DAGLB: variants seen among roughly 807,000 people sequenced by gnomAD.
DAGLB encodes the protein diacylglycerol lipase beta.
DAGLB carries 66 observed loss-of-function variants against 72.1 expected under a neutral mutation model. The observed-to-expected ratio is 0.92, with a 90% CI of 0.75 to 1.12. The LOEUF is 1.12. DAGLB is among the 50% of genes most tolerant of loss of function. The pLI is 0.00. For missense variants in DAGLB, 1,065 were observed against 884.9 expected (o/e 1.20, Z -2.58); for synonymous variants, 414 against 359.5 (o/e 1.15, Z -1.71).
Position 6,424,727 on chromosome 7 carries a change from C to A in DAGLB, c.1140+25G>T, listed in dbSNP as rs912389478. 3.1e-6 allele frequency: 5 copies of A among 1,612,296 alleles called. No homozygotes were observed. In the Admixed American group the frequency reaches 8.3e-5, roughly 27 times the overall value. On this transcript the variant is annotated intron_variant, in intron 8 of 14. Transcript: ENST00000297056. ...CCCGCTCCCGCACCCACTCCCAGGG[C>A]TGGAAAGTCAGGTTCCAACGTTACC... is the stretch of plus-strand genomic sequence containing the variant.
rs367819983 is a variant in DAGLB, at chr7:6,444,830, C to T, written c.247+1123G>A. Among the ~76,000 whole-genome samples, 20 of 152,190 alleles carry T rather than the reference C, an allele frequency of 1.3e-4. No individual in the cohort carries two copies. In the South Asian group the frequency reaches 1.5e-3, roughly 11 times the overall value. Reference sequence around the variant, plus strand: ...CTGAGGCAGGAGAATCACTTGAACCCGGGAGGCAGAGGTTACAGTGAGCCG... The same window carrying T: ...CTGAGGCAGGAGAATCACTTGAACCTGGGAGGCAGAGGTTACAGTGAGCCG... On this transcript the variant is annotated intron_variant, in intron 2 of 14. Coordinates refer to ENST00000297056, the MANE Select transcript of DAGLB (RefSeq NM_139179.4).
At chr7:6,425,870 T>A in intron 7 of DAGLB, 118 bp downstream of exon 7, 1 of 1,512,696 alleles carries the variant, frequency 6.6e-7, no homozygotes, top group Non-Finnish European at 8.9e-7. Context: ...ACACAGGACT[T>A]AGAAGTGTGT....
chr7:6,424,745 A>T lies in DAGLB; in HGVS notation c.1140+7T>A. The T allele has an allele frequency of 6.2e-7, 1 of 1,613,202 alleles. No individual in the cohort carries two copies. The highest frequency in any genetic ancestry group is 8.5e-7 in the Non-Finnish European group (1 of 1,179,584). On this transcript the variant is annotated splice_region_variant and intron_variant, in intron 8 of 14. Coordinates refer to ENST00000297056, the MANE Select transcript of DAGLB (RefSeq NM_139179.4). ...CCCAGGGCTGGAAAGTCAGGTTCCA[A>T]CGTTACCTGCAGAGACATGGTCCCC...
rs553422833 is a variant in DAGLB, at chr7:6,440,999, G to C, written c.248-4466C>G. Reference sequence around the variant, plus strand: ...GGGGGGGACGGAGTTTCCCTCTTGTGAAAGTGCTGGGGTTACAGGCATGAG... The same window carrying C: ...GGGGGGGACGGAGTTTCCCTCTTGTCAAAGTGCTGGGGTTACAGGCATGAG... On this transcript the variant is annotated intron_variant, in intron 2 of 14. Coordinates refer to ENST00000297056, the MANE Select transcript of DAGLB (RefSeq NM_139179.4). Among the ~76,000 whole-genome samples, 47 of 151,340 alleles carry C rather than the reference G, an allele frequency of 3.1e-4. No individual in the cohort carries two copies. In the South Asian group the frequency reaches 9.8e-3, roughly 32 times the overall value.
intron 5 of DAGLB, among the ~76,000 whole-genome samples, 192 bp from the exon 6 acceptor site, chr7:6,430,799 TAG>T (rs1784463452): frequency 6.6e-6 from 1 of 151,706 alleles, no homozygotes. Flanking sequence ...TTTTTTTTTT[TAG>T]AGTCTCGCTC....
In DAGLB at chr7:6,430,394, G is replaced by A. The variant is rs548130987; in HGVS notation, c.929+86C>T. On this transcript the variant is annotated intron_variant, in intron 6 of 14. Transcript: ENST00000297056. ...AGGATTCATGGGAGTTCTTTGCACT[G>A]TTCTTTCAAATTTTTGAAATATCTC... The A allele has an allele frequency of 1.9e-4, 256 of 1,381,994 alleles. 1 individual carries two copies. The highest frequency in any genetic ancestry group is 1.8e-3 in the Middle Eastern group (9 of 5,098). The allele number at this position is 1,381,994 out of a possible 1,614,324, so 85.6% of individuals were successfully genotyped here. A position where few individuals can be genotyped will look rare whatever the true frequency, so the allele number is the denominator to read the frequency against.
At chr7:6,421,315 C>T (rs1467980599) in intron 9 of DAGLB, among the ~76,000 whole-genome samples, 7 of 120,182 alleles carry the variant, frequency 5.8e-5, no homozygotes, top group Non-Finnish European at 1.2e-4. Context: ...AATCAGGCAG[C>T]GCGGGAGGCG....
chr7:6,435,128 G>A (rs1442346308), intron 3 of DAGLB, 108 bp from the exon 4 acceptor site: 11 of 1,483,378 alleles, frequency 7.4e-6, no homozygotes, highest in Admixed American at 6.5e-5. Flanking sequence ...ACCACGGAGG[G>A]TTCTGTTACC....
Position 6,412,883 on chromosome 7 carries a change from C to T in DAGLB, c.1497G>A (p.Arg499=). Reference sequence around the variant, plus strand: ...GATCTTCCAAGTTGGTCACACTGAGCCTGTTTAGCAAAGGGGCACACTGAG... The same window carrying T: ...GATCTTCCAAGTTGGTCACACTGAGTCTGTTTAGCAAAGGGGCACACTGAG... ...SLVLGKDVIP[R]LSVTNLEDLK... is the part of the protein sequence containing the mutation. The change falls in exon 13 of 15, where the codon AGG becomes AGA. Residue 499 remains arginine (R), a splice_region_variant and synonymous_variant. Transcript: ENST00000297056. 6.2e-7 allele frequency: 1 copy of T among 1,609,802 alleles called. No individual in the cohort carries two copies. Among genetic ancestry groups the T allele is most frequent in the Non-Finnish European group, 8.5e-7 (1 of 1,177,844 alleles).
intron 2 of DAGLB, among the ~76,000 whole-genome samples, chr7:6,442,078 C>T (rs1315625579): frequency 6.6e-6 from 1 of 152,144 alleles, no homozygotes; most frequent in Non-Finnish European, 1.5e-5. Context: ...GGCAAGGAAG[C>T]ACTTCCCCAG....
chr7:6,419,346 C>T (rs977435904), intron 9 of DAGLB, among the ~76,000 whole-genome samples: 10 of 152,102 alleles, frequency 6.6e-5, no homozygotes, highest in East Asian at 5.8e-4. Context: ...TCTCCTGCGA[C>T]GGCGGGATGC....
At chr7:6,417,176 C>A in intron 9 of DAGLB, 1 of 439,894 alleles carries the variant, frequency 2.3e-6, no homozygotes, top group Non-Finnish European at 4.1e-6. Flanking sequence ...CAGGAGGACA[C>A]TTGAGCCCAG....
chr7:6,439,011 A>C (rs1249211092), intron 2 of DAGLB, among the ~76,000 whole-genome samples: 1 of 151,894 alleles, frequency 6.6e-6, no homozygotes. Context: ...GTCTGAGCTC[A>C]GGGGAGGCCA....
rs777256367 is a variant in DAGLB at position 6,416,686 on chromosome 7, G to A, written c.1368C>T (p.Leu456=). 3 of 1,613,828 alleles carry A rather than the reference G, an allele frequency of 1.9e-6. No homozygotes were observed. The highest frequency in any genetic ancestry group is 3.3e-5 in the Admixed American group (2 of 60,004). ...ACCTGACCTGCGGGTAGGCGGCTCT[G>A]AGCATGGTGGCCAGCAGGGCGGCCG... The part of the protein sequence containing the change: ...GGAAALLATM[L]RAAYPQVRCY... The change falls in exon 11 of 15, where the codon CTC becomes CTT. Residue 456 remains leucine (L), a synonymous_variant. Transcript: ENST00000297056.
Position 6,436,679 on chromosome 7 carries a change from G to C in DAGLB, c.248-146C>G, listed in dbSNP as rs1784669570. The C allele has an allele frequency of 5.3e-6, 5 of 939,334 alleles. No individual in the cohort carries two copies. In the South Asian group the frequency reaches 7.9e-5, roughly 15 times the overall value. The allele number at this position is 939,334 out of a possible 1,614,324, so 58.2% of individuals were successfully genotyped here. On this transcript the variant is annotated intron_variant, in intron 2 of 14. Coordinates refer to ENST00000297056, the MANE Select transcript of DAGLB (RefSeq NM_139179.4). ...TTTTTCTACTTATAATTGGTAATCAGCACCTAAGTCAGACAGCAAGTGAGA... is the reference window on the plus strand; with the variant it reads ...TTTTTCTACTTATAATTGGTAATCACCACCTAAGTCAGACAGCAAGTGAGA...
At chr7:6,422,152 G>A in intron 8 of DAGLB, 2 of 375,024 alleles carry the variant, frequency 5.3e-6, no homozygotes, top group Non-Finnish European at 1.0e-5. Flanking sequence ...GTCCTCAGGA[G>A]CCCCGTAACA....
intron 13 of DAGLB, among the ~76,000 whole-genome samples, chr7:6,410,833 T>C (rs1783698797): frequency 6.6e-6 from 1 of 151,848 alleles, no homozygotes; most frequent in Non-Finnish European, 1.5e-5. Context: ...GCCTACTGAG[T>C]AGCTCGGCTT....
intron 9 of DAGLB, among the ~76,000 whole-genome samples, chr7:6,418,955 C>T (rs1484137334): frequency 6.6e-6 from 1 of 152,110 alleles, no homozygotes; most frequent in South Asian, 2.1e-4. Context: ...TGAGCCACCG[C>T]ACCTGGCTGC....
chr7:6,443,148 C>T (rs10278087), intron 2 of DAGLB, among the ~76,000 whole-genome samples: 43,108 of 147,392 alleles, frequency 0.29, 9,114 homozygotes, highest in African/African-American at 0.6. Context: ...GAGATAGTGC[C>T]ACTGCAGTCC....
Sources: gnomAD v4.1 joint callset for allele counts (sites outside exome capture counted in the v4.1 genomes callset) on GRCh38, gnomAD v4.1.1 for gene constraint, MANE v1.5 for transcripts, NCBI Gene and HGNC (gene_info 2026-07-23, HGNC 2026-07-21) for gene names.